ANKRD44: variants seen among roughly 807,000 people sequenced by gnomAD.
ANKRD44 encodes the protein ankyrin repeat domain 44.
A neutral mutation model predicts 116.0 loss-of-function variants in ANKRD44; 35 were observed. The ratio of observed to expected loss-of-function variants is 0.30; its 90% CI spans 0.23 to 0.40. The LOEUF (loss-of-function observed/expected upper bound fraction) is 0.40. Ranked by LOEUF, ANKRD44 falls within the 10% of genes least tolerant of loss-of-function variation. ANKRD44 has a pLI of 1.00. For synonymous variants in ANKRD44, 435 were observed against 461.8 expected, an observed-to-expected ratio of 0.94 and a Z score of 0.74; for missense variants, 1,014 against 1,242.6, an observed-to-expected ratio of 0.82 and a Z score of 2.77.
downstream of ANKRD44, among the ~76,000 whole-genome samples, chr2:196,983,369 C>T (rs2075816363): frequency 6.6e-6 from 1 of 152,096 alleles, no homozygotes; most frequent in African/African-American, 2.4e-5. Context: ...CTCCCTTTCC[C>T]TTGAGTCTCC....
At chr2:197,039,839 T>G (rs1370227272) in intron 16 of ANKRD44, among the ~76,000 whole-genome samples, 1 of 151,838 alleles carries the variant, frequency 6.6e-6, no homozygotes, top group Non-Finnish European at 1.5e-5. Flanking sequence ...GGTAAATAGG[T>G]TATTGATAGA....
chr2:197,113,052 T>C (rs1247995208), intron 8 of ANKRD44, among the ~76,000 whole-genome samples: 1 of 151,896 alleles, frequency 6.6e-6, no homozygotes, highest in Admixed American at 6.6e-5. Context: ...AAAGAAATAA[T>C]AGGATCTTTT....
intron 16 of ANKRD44, among the ~76,000 whole-genome samples, chr2:197,041,465 G>T (rs573959789): frequency 2.6e-5 from 4 of 152,150 alleles, no homozygotes; most frequent in African/African-American, 9.6e-5. Flanking sequence ...CATCAACTAT[G>T]GTCTTCAAGC....
intron 16 of ANKRD44, among the ~76,000 whole-genome samples, chr2:197,061,283 GC>G (rs2077306430): frequency 6.6e-6 from 1 of 152,164 alleles, no homozygotes; most frequent in Admixed American, 6.5e-5. Flanking sequence ...ATATCACACA[GC>G]CCCTCCTCTG....
At chr2:197,173,754 C>T (rs573995521) in intron 2 of ANKRD44, among the ~76,000 whole-genome samples, 8 of 152,174 alleles carry the variant, frequency 5.3e-5, no homozygotes, top group Non-Finnish European at 1.2e-4. Context: ...ACTTACAGCC[C>T]GGGTGTGGTG....
chr2:197,030,636 T>C (rs1470730266), intron 16 of ANKRD44, among the ~76,000 whole-genome samples: 1 of 152,170 alleles, frequency 6.6e-6, no homozygotes, highest in Admixed American at 6.5e-5. Context: ...GTCCAGTTCA[T>C]CAGTTCAGGC....
At chr2:197,085,756 T>C (rs2077906693) in intron 13 of ANKRD44, among the ~76,000 whole-genome samples, 1 of 152,222 alleles carries the variant, frequency 6.6e-6, no homozygotes, top group Admixed American at 6.5e-5. Context: ...CCCTTGGAGC[T>C]ACTCTGTCTA....
intron 17 of ANKRD44, among the ~76,000 whole-genome samples, chr2:197,019,951 C>G (rs1361578442): frequency 6.6e-6 from 1 of 152,066 alleles, no homozygotes; most frequent in Non-Finnish European, 1.5e-5. Context: ...TGCACGCCAC[C>G]ATGCCCAGCT....
At chr2:196,995,343 C>T (rs769431052) in intron 26 of ANKRD44, 36 bp downstream of exon 26, 12 of 1,478,426 alleles carry the variant, frequency 8.1e-6, no homozygotes, top group Non-Finnish European at 1.0e-5. Flanking sequence ...TGACTATGAC[C>T]CTGGGTTCAA....
chr2:196,972,181 T>C (rs2075720765), intron 21 of ANKRD44, among the ~76,000 whole-genome samples: 2 of 152,082 alleles, frequency 1.3e-5, no homozygotes, highest in African/African-American at 4.8e-5. Flanking sequence ...AGTGCTACCA[T>C]GGTCAGAGAA....
intron 10 of ANKRD44, among the ~76,000 whole-genome samples, chr2:197,096,867 C>T (rs534753324): frequency 3.0e-4 from 45 of 152,232 alleles, no homozygotes; most frequent in African/African-American, 8.7e-4. Context: ...CATTCTCCCA[C>T]ACACACAAAC....
chr2:197,273,172 C>T (rs1342478354), intron 1 of ANKRD44, among the ~76,000 whole-genome samples: 1 of 152,128 alleles, frequency 6.6e-6, no homozygotes, highest in East Asian at 1.9e-4. Context: ...GGCCTGCATC[C>T]TCTGGGACTG....
At chr2:197,145,908 A>C (rs1353312574) in intron 3 of ANKRD44, among the ~76,000 whole-genome samples, 1 of 152,164 alleles carries the variant, frequency 6.6e-6, no homozygotes, top group Admixed American at 6.5e-5. Flanking sequence ...TCTAGATGTT[A>C]ATCTCCCAAA....
intron 1 of ANKRD44, among the ~76,000 whole-genome samples, chr2:197,246,783 G>A (rs374086662): frequency 1.1e-3 from 171 of 152,146 alleles, no homozygotes; most frequent in African/African-American, 4.0e-3. Flanking sequence ...ACACTATGAG[G>A]TACGTACAAT....
At chr2:197,006,936 C>A (rs2076212538) in intron 20 of ANKRD44, among the ~76,000 whole-genome samples, 1 of 152,122 alleles carries the variant, frequency 6.6e-6, no homozygotes, top group Non-Finnish European at 1.5e-5. Flanking sequence ...AAAACCCCAT[C>A]TCAACAGAAA....
chr2:197,157,421 T>A (rs1234588976), intron 2 of ANKRD44, among the ~76,000 whole-genome samples: 1 of 152,120 alleles, frequency 6.6e-6, no homozygotes, highest in Non-Finnish European at 1.5e-5. Flanking sequence ...ACGCCTGTAA[T>A]CCCAGCATTT....
At chr2:197,194,233 C>T (rs1246695981) in intron 1 of ANKRD44, among the ~76,000 whole-genome samples, 3 of 152,182 alleles carry the variant, frequency 2.0e-5, no homozygotes, top group Admixed American at 6.5e-5. Flanking sequence ...TTACACTCAG[C>T]AACCTCGAAA....
chr2:197,195,309 G>GA (rs753532079), intron 1 of ANKRD44, among the ~76,000 whole-genome samples: 210 of 152,236 alleles, frequency 1.4e-3, no homozygotes, highest in Non-Finnish European at 1.9e-3. Context: ...AAACAGGAAT[G>GA]GGGGTCATGA....
chr2:197,251,126 T>C (rs1286740482), intron 1 of ANKRD44: 1 of 152,252 alleles, frequency 6.6e-6, no homozygotes, highest in Non-Finnish European at 1.5e-5. Flanking sequence ...AAGATGTTTA[T>C]TTCTTGATAG....
Sources: allele counts gnomAD v4.1 joint callset (sites outside exome capture counted in the v4.1 genomes callset), GRCh38; gene constraint gnomAD v4.1.1; transcripts MANE v1.5; gene names NCBI Gene and HGNC (gene_info 2026-07-23, HGNC 2026-07-21).